UQCRC1: variants seen among roughly 807,000 people sequenced by gnomAD.
The protein encoded by UQCRC1 is cytochrome b-c1 complex subunit 1, mitochondrial.
UQCRC1 carries 34 observed loss-of-function variants against 58.0 expected under a neutral mutation model. That is an observed-to-expected ratio of 0.59 (90% CI 0.45 to 0.78). The LOEUF (loss-of-function observed/expected upper bound fraction) is 0.78, where lower values mean the gene tolerates loss of function less well. Ranked by LOEUF, UQCRC1 falls within the 30% of genes least tolerant of loss-of-function variation. The pLI is 0.00. For missense variants in UQCRC1, 610 were observed against 646.0 expected (o/e 0.94, Z 0.60); for synonymous variants, 276 against 248.8 (o/e 1.11, Z -1.03).
At position 48,609,505 on chromosome 3, in the gene UQCRC1, TTCCCGAAGCCCTG is replaced by T. The variant is rs1275036695; in HGVS notation, c.69+34_69+46del. The T allele has an allele frequency of 2.6e-6, 4 of 1,539,926 alleles. No homozygotes were observed. In the Admixed American group the frequency reaches 7.7e-5, roughly 30 times the overall value. ...CTGCTAACAGCCCACACCTGTCCGC[TTCCCGAAGCCCTG>T]TCCCGAAGCCCCGCGCTCTCGCCAC... is the stretch of plus-strand genomic sequence containing the variant. On this transcript the variant is annotated intron_variant, in intron 1 of 12. Transcript: ENST00000203407.
chr3:48,600,626 C>T (rs2046355600), intron 9 of UQCRC1, 54 bp downstream of exon 9: 2 of 1,613,976 alleles, frequency 1.2e-6, no homozygotes, highest in East Asian at 2.2e-5. Context: ...CTCAGCCTCC[C>T]ACTGTGCTGG....
chr3:48,604,850 A>G, intron 3 of UQCRC1, 70 bp from the exon 4 acceptor site: 7 of 1,595,676 alleles, frequency 4.4e-6, no homozygotes, highest in Non-Finnish European at 6.0e-6. Context: ...CTCAGAGGCT[A>G]AACACCCAGC....
At chr3:48,604,463 G>A (rs767903332) in intron 4 of UQCRC1, 32 bp from the exon 5 acceptor site, 3 of 1,609,944 alleles carry the variant, frequency 1.9e-6, no homozygotes, top group Non-Finnish European at 2.5e-6. Context: ...TTAGGTGCCA[G>A]GTGGACCACT....
In UQCRC1 at chr3:48,604,685, G is replaced by A; in HGVS notation, c.393C>T (p.Tyr131=). 6.2e-7 allele frequency: 1 copy of A among 1,614,228 alleles called. No homozygotes were observed. The highest frequency in any genetic ancestry group is 1.3e-5 in the African/African-American group (1 of 75,054). ...GATCCTTGGACAGCGCCTTGATGTA[G>A]TAAGCTGTGTGCTCCCGGGTGCTGT... The part of the protein sequence containing the change: ...NAYSTREHTA[Y]YIKALSKDLP... Residue 131 remains tyrosine, a synonymous_variant, in exon 4 of 13, where the codon TAC becomes TAT. Transcript: ENST00000203407.
intron 2 of UQCRC1, 149 bp from the exon 3 acceptor site, chr3:48,606,005 T>TG: frequency 1.5e-6 from 1 of 687,328 alleles, no homozygotes; most frequent in Non-Finnish European, 2.4e-6. Flanking sequence ...CCCCTGTGCT[T>TG]GGGGACACAG....
At chr3:48,605,715 AG>A (rs1484500462) in intron 3 of UQCRC1, 54 bp downstream of exon 3, 1 of 1,556,802 alleles carries the variant, frequency 6.4e-7, no homozygotes, top group Non-Finnish European at 8.8e-7. Flanking sequence ...CTTCATCCTC[AG>A]GAGGGACAAC....
intron 6 of UQCRC1, among the ~76,000 whole-genome samples, chr3:48,602,874 C>T (rs2046379197): frequency 6.6e-6 from 1 of 152,068 alleles, no homozygotes. Context: ...AGACCCCAAC[C>T]AGGTTCCATC....
intron 1 of UQCRC1, 81 bp downstream of exon 1, chr3:48,609,471 G>A (rs2046445306): frequency 6.6e-7 from 1 of 1,522,700 alleles, no homozygotes; most frequent in Non-Finnish European, 8.8e-7. Context: ...TCCCCACCTC[G>A]ACCTGCCACT....
intron 2 of UQCRC1, among the ~76,000 whole-genome samples, chr3:48,606,888 A>C (rs1231475696): frequency 1.3e-5 from 2 of 149,958 alleles, no homozygotes; most frequent in Non-Finnish European, 3.0e-5. Context: ...TTTGACATGG[A>C]GTCTCACTCT....
Position 48,603,588 on chromosome 3 carries a change from G to A in UQCRC1, c.682C>T (p.Arg228Ter), listed in dbSNP as rs1185146623. Residue 228 changes from arginine to a stop codon, truncating the protein, a stop_gained, in exon 6 of 13, where the codon CGA becomes TGA. Coordinates refer to ENST00000203407, the MANE Select transcript of UQCRC1 (RefSeq NM_003365.3). LOFTEE classifies it high-confidence loss of function. Reference protein sequence around the residue: ...EYLSTHYKAPRMVLAAAGGVE... With the variant: ...EYLSTHYKAP ...CCTCCAGCTGCTGCCAGCACCATTC[G>A]AGGGGCCTTGTAATGTGTGCTGAGG... The A allele has an allele frequency of 3.1e-6, 5 of 1,613,874 alleles. No individual in the cohort carries two copies. Among genetic ancestry groups the A allele is most frequent in the Non-Finnish European group, 3.4e-6 (4 of 1,179,958 alleles).
chr3:48,601,427 G>A lies in UQCRC1; in HGVS notation c.747C>T (p.His249=). 1 of 1,614,166 alleles carries A rather than the reference G, an allele frequency of 6.2e-7. No homozygotes were observed. Among genetic ancestry groups the A allele is most frequent in the South Asian group, 1.1e-5 (1 of 91,082 alleles). The change falls in exon 7 of 13, where the codon CAC becomes CAT. Residue 249 remains histidine, a synonymous_variant. Coordinates refer to ENST00000203407, the MANE Select transcript of UQCRC1 (RefSeq NM_003365.3). ...CATATGTCCATGGGATGCCACCGAG[G>A]TGCTTCTGGGCGAGGTCTAACAGTT... ...HQQLLDLAQK[H]LGGIPWTYAE... is the part of the protein sequence containing the mutation.
At chr3:48,606,751 A>G (rs1171708217) in intron 2 of UQCRC1, among the ~76,000 whole-genome samples, 1 of 152,122 alleles carries the variant, frequency 6.6e-6, no homozygotes, top group Admixed American at 6.5e-5. Flanking sequence ...CAAAAAAAAA[A>G]AAAAAATGTA....
intron 5 of UQCRC1, chr3:48,603,878 T>C: frequency 1.7e-6 from 1 of 588,228 alleles, no homozygotes; most frequent in Non-Finnish European, 3.0e-6. Flanking sequence ...GCTCATAGTC[T>C]TCTCTGAGAA....
At chr3:48,601,585 G>T in intron 6 of UQCRC1, 118 bp from the exon 7 acceptor site, 1 of 894,972 alleles carries the variant, frequency 1.1e-6, no homozygotes, top group Non-Finnish European at 1.8e-6. Flanking sequence ...CCAGGAGTAT[G>T]TGACATTAGA....
At chr3:48,603,042 C>G (rs2107844979) in intron 6 of UQCRC1, among the ~76,000 whole-genome samples, 1 of 152,288 alleles carries the variant, frequency 6.6e-6, no homozygotes, top group South Asian at 2.1e-4. Context: ...CCCCTGCGCT[C>G]AGCTCCCCAC....
intron 2 of UQCRC1, among the ~76,000 whole-genome samples, chr3:48,607,064 C>T (rs2046419884): frequency 6.8e-6 from 1 of 147,688 alleles, no homozygotes; most frequent in Non-Finnish European, 1.5e-5. Flanking sequence ...TTTTTTGAGA[C>T]GGAGTCTCGC....
At chr3:48,607,585 G>A (rs1208288953) in intron 2 of UQCRC1, among the ~76,000 whole-genome samples, 1 of 150,088 alleles carries the variant, frequency 6.7e-6, no homozygotes, top group Non-Finnish European at 1.5e-5. Context: ...AAGACAGAGG[G>A]CCTTGCTCTG....
intron 2 of UQCRC1, among the ~76,000 whole-genome samples, chr3:48,607,277 G>C (rs546313910): frequency 6.6e-6 from 1 of 152,306 alleles, no homozygotes; most frequent in Non-Finnish European, 1.5e-5. Flanking sequence ...TCCTGACCTT[G>C]TGATTCGCCC....
chr3:48,609,336 G>A, intron 1 of UQCRC1, 34 bp from the exon 2 acceptor site: 1 of 1,587,914 alleles, frequency 6.3e-7, no homozygotes. Context: ...TGAGGACTCG[G>A]TCAGGGGATC....
Sources: gnomAD v4.1 joint callset for allele counts (sites outside exome capture counted in the v4.1 genomes callset) on GRCh38, gnomAD v4.1.1 for gene constraint, MANE v1.5 for transcripts, NCBI Gene and HGNC (gene_info 2026-07-23, HGNC 2026-07-21) for gene names.